The following DCLK2 variants were observed in gnomAD, a reference collection of about 807,000 sequenced individuals.
DCLK2 encodes the protein doublecortin like kinase 2.
Under a neutral mutation model 78.4 loss-of-function variants are expected in DCLK2, and 31 were observed. The ratio of observed to expected loss-of-function variants is 0.40; its 90% confidence interval spans 0.30 to 0.53. The LOEUF is 0.53. Among genes scored for constraint, DCLK2 ranks in the 20% least tolerant of loss-of-function variants. DCLK2 has a pLI of 0.61. For missense variants in DCLK2, 872 were observed against 973.7 expected (o/e 0.90, Z 1.39); for synonymous variants, 407 against 374.9 (o/e 1.09, Z -0.99).
At chr4:150,181,780 A>G (rs1737545704) in intron 2 of DCLK2, among the ~76,000 whole-genome samples, 1 of 152,138 alleles carries the variant, frequency 6.6e-6, no homozygotes, top group Non-Finnish European at 1.5e-5. Flanking sequence ...AGGAAGCTGA[A>G]AAACATTGCT....
intron 2 of DCLK2, among the ~76,000 whole-genome samples, chr4:150,177,753 A>G (rs1032903344): frequency 1.3e-5 from 2 of 152,222 alleles, no homozygotes; most frequent in Non-Finnish European, 2.9e-5. Flanking sequence ...CATAATCAGT[A>G]TGACATAACT....
chr4:150,112,682 G>A (rs540283695), intron 2 of DCLK2, among the ~76,000 whole-genome samples: 2 of 151,924 alleles, frequency 1.3e-5, no homozygotes, highest in South Asian at 2.1e-4. Context: ...TTTCTGCATC[G>A]ATTGAGATGC....
chr4:150,157,119 G>A (rs896511569), intron 2 of DCLK2, among the ~76,000 whole-genome samples: 3 of 150,238 alleles, frequency 2.0e-5, no homozygotes, highest in East Asian at 2.0e-4. Context: ...CTCAAACACC[G>A]TGATGGAAAA....
At chr4:150,230,065 A>G (rs1346919797) in intron 8 of DCLK2, among the ~76,000 whole-genome samples, 1 of 150,584 alleles carries the variant, frequency 6.6e-6, no homozygotes, top group Non-Finnish European at 1.5e-5. Flanking sequence ...TTTTACAGGG[A>G]CAGCAAGAGG....
At chr4:150,130,490 C>A (rs1191307861) in intron 2 of DCLK2, among the ~76,000 whole-genome samples, 1 of 151,990 alleles carries the variant, frequency 6.6e-6, no homozygotes, top group African/African-American at 2.4e-5. Flanking sequence ...GCAGTAGCAG[C>A]AGCAGAAAAG....
intron 2 of DCLK2, among the ~76,000 whole-genome samples, chr4:150,136,979 C>CTTTTTTTTTTTTTTTTTTTTT (rs35729685): frequency 8.5e-5 from 7 of 82,404 alleles, no homozygotes; most frequent in Non-Finnish European, 8.9e-5. Context: ...TCTTCTTCTT[C>CTTTTTTTTTTTTTTTTTTTTT]TTTTTTTTTT....
intron 5 of DCLK2, among the ~76,000 whole-genome samples, chr4:150,212,197 C>T (rs1217081999): frequency 6.6e-6 from 1 of 152,218 alleles, no homozygotes; most frequent in Non-Finnish European, 1.5e-5. Flanking sequence ...CATTATCCAA[C>T]ATCTTGAGAT....
chr4:150,240,372 T>A (rs368409114), intron 11 of DCLK2, 27 bp from the exon 12 acceptor site: 4 of 1,610,138 alleles, frequency 2.5e-6, no homozygotes, highest in Non-Finnish European at 3.4e-6. Context: ...ATCAGTTCTC[T>A]CCCCCTCACC....
chr4:150,212,906 G>A (rs896624293), intron 5 of DCLK2, among the ~76,000 whole-genome samples: 1 of 152,220 alleles, frequency 6.6e-6, no homozygotes, highest in Non-Finnish European at 1.5e-5. Flanking sequence ...AAGACTTAGA[G>A]ATTGTCATTG....
intron 2 of DCLK2, among the ~76,000 whole-genome samples, chr4:150,156,741 TTTTATTTATTTATTTA>T (rs150434713): frequency 6.2e-4 from 87 of 139,430 alleles, no homozygotes; most frequent in Middle Eastern, 3.6e-3. Flanking sequence ...GGAGTAACTA[TTTTATTTATTTATTTA>T]TTTATTTATT....
At chr4:150,127,258 T>A (rs1732985152) in intron 2 of DCLK2, among the ~76,000 whole-genome samples, 1 of 152,174 alleles carries the variant, frequency 6.6e-6, no homozygotes. Flanking sequence ...TCATCATACT[T>A]TCACCCGTTA....
chr4:150,255,957 C>A (rs1034977102), intron 15 of DCLK2, 63 bp from the exon 16 acceptor site: 15 of 1,576,030 alleles, frequency 9.5e-6, no homozygotes, highest in African/African-American at 2.7e-5. Context: ...GCTCTCTGCT[C>A]GTGGCAGCTG....
At chr4:150,081,037 A>G (rs971015027) in intron 1 of DCLK2, among the ~76,000 whole-genome samples, 5 of 152,230 alleles carry the variant, frequency 3.3e-5, no homozygotes, top group East Asian at 1.9e-4. Context: ...TTGCCTAGCT[A>G]TTTTAAAACA....
At chr4:150,082,210 T>A (rs1729350287) in intron 1 of DCLK2, among the ~76,000 whole-genome samples, 1 of 152,202 alleles carries the variant, frequency 6.6e-6, no homozygotes, top group Admixed American at 6.5e-5. Context: ...GACTGCTTTA[T>A]TTCGTTTTGG....
intron 2 of DCLK2, among the ~76,000 whole-genome samples, chr4:150,121,662 G>T (rs13104847): frequency 0.039 from 5,972 of 152,256 alleles, 182 homozygotes; most frequent in Middle Eastern, 0.082. Context: ...GTTCTTCATG[G>T]TATCTAGAAT....
chr4:150,095,903 G>T (rs1230263334), intron 1 of DCLK2, among the ~76,000 whole-genome samples: 1 of 152,220 alleles, frequency 6.6e-6, no homozygotes, highest in Non-Finnish European at 1.5e-5. Flanking sequence ...AAGTTTGAAA[G>T]GAAATTGCAA....
At position 150,198,912 on chromosome 4, in the gene DCLK2, C is replaced by A. The variant is rs1580702849; in HGVS notation, c.961+809C>A. ...TATTCGCCCTTTCCCCTTTCAGCAC[C>A]CCCCCCCCCACTTTCTGTAGGGCAG... On this transcript the variant is annotated intron_variant, in intron 4 of 15. Coordinates refer to ENST00000296550, the MANE Select transcript of DCLK2 (RefSeq NM_001040260.4). The A allele has an allele frequency of 3.1e-4, 159 of 505,470 alleles. 1 individual carries two copies. Among genetic ancestry groups the A allele is most frequent in the Non-Finnish European group, 3.5e-4 (102 of 294,282 alleles). The allele number at this position is 505,470 out of a possible 1,614,324, so 31.3% of individuals were successfully genotyped here.
At chr4:150,253,283 A>G (rs747456514) in intron 15 of DCLK2, 31 of 595,580 alleles carry the variant, frequency 5.2e-5, no homozygotes, top group Non-Finnish European at 8.4e-5. Context: ...TAGTGGAAAT[A>G]GTGTCAACCG....
At chr4:150,181,957 A>C (rs1186541048) in intron 2 of DCLK2, among the ~76,000 whole-genome samples, 1 of 152,116 alleles carries the variant, frequency 6.6e-6, no homozygotes, top group Non-Finnish European at 1.5e-5. Context: ...GAATTTGTTT[A>C]TCTGGTTGTT....
Sources: gnomAD v4.1 joint callset for allele counts (sites outside exome capture counted in the v4.1 genomes callset) on GRCh38, gnomAD v4.1.1 for gene constraint, MANE v1.5 for transcripts, NCBI Gene and HGNC (gene_info 2026-07-23, HGNC 2026-07-21) for gene names.